MAD1L1: variants seen among roughly 807,000 people sequenced by gnomAD.
MAD1L1 encodes the protein mitotic spindle assembly checkpoint protein MAD1.
Under a neutral mutation model 96.9 loss-of-function variants are expected in MAD1L1, and 95 were observed. That is an observed-to-expected ratio of 0.98 (90% CI 0.83 to 1.16). The LOEUF (loss-of-function observed/expected upper bound fraction) is 1.16, where lower values mean the gene tolerates loss of function less well. Among genes scored for constraint, MAD1L1 ranks in the 50% most tolerant of loss-of-function variants. MAD1L1 has a pLI of 0.00. For synonymous variants in MAD1L1, 473 were observed against 396.6 expected (o/e 1.19, Z -2.29); for missense variants, 1,007 against 954.4 (o/e 1.06, Z -0.73).
chr7:2,099,170 C>G (rs1184813226), intron 11 of MAD1L1, among the ~76,000 whole-genome samples: 1 of 152,212 alleles, frequency 6.6e-6, no homozygotes, highest in Non-Finnish European at 1.5e-5. Flanking sequence ...GAGCATCCCC[C>G]AACGCACCGC....
At chr7:2,073,036 G>T (rs1014190264) in intron 11 of MAD1L1, among the ~76,000 whole-genome samples, 1 of 152,198 alleles carries the variant, frequency 6.6e-6, no homozygotes, top group Non-Finnish European at 1.5e-5. Flanking sequence ...CCAAGACTGG[G>T]TCCCAGGAAC....
chr7:1,820,694 G>C (rs1196616078), intron 18 of MAD1L1, among the ~76,000 whole-genome samples: 1 of 152,032 alleles, frequency 6.6e-6, no homozygotes, highest in African/African-American at 2.4e-5. Context: ...AGTGAGCTAT[G>C]ATCACACCAC....
chr7:2,079,041 G>A (rs1205026699), intron 11 of MAD1L1, among the ~76,000 whole-genome samples: 1 of 152,200 alleles, frequency 6.6e-6, no homozygotes, highest in African/African-American at 2.4e-5. Context: ...AAGTGCAGGG[G>A]CTTGGCCGAG....
intron 18 of MAD1L1, among the ~76,000 whole-genome samples, chr7:1,861,867 T>C (rs1187182432): frequency 2.2e-5 from 3 of 138,430 alleles, no homozygotes; most frequent in Non-Finnish European, 4.7e-5. Context: ...GGGACACTGC[T>C]CCGCCTGCCC....
intron 12 of MAD1L1, among the ~76,000 whole-genome samples, chr7:2,035,001 G>C (rs1783402490): frequency 6.6e-6 from 1 of 152,226 alleles, no homozygotes; most frequent in Admixed American, 6.5e-5. Context: ...CAGCACAGGG[G>C]GCCACAAGTC....
At chr7:1,918,695 G>T (rs1415744219) in intron 17 of MAD1L1, among the ~76,000 whole-genome samples, 1 of 152,220 alleles carries the variant, frequency 6.6e-6, no homozygotes, top group East Asian at 1.9e-4. Flanking sequence ...CAACACCAAA[G>T]AACAGCATGG....
At chr7:1,958,615 C>T (rs1429796684) in intron 15 of MAD1L1, among the ~76,000 whole-genome samples, 5 of 152,160 alleles carry the variant, frequency 3.3e-5, no homozygotes, top group East Asian at 1.9e-4. Flanking sequence ...AATGCAAAAA[C>T]ATCTAGAACA....
intron 11 of MAD1L1, chr7:2,079,792 C>A (rs755993673): frequency 2.1e-6 from 1 of 469,942 alleles, no homozygotes; most frequent in Non-Finnish European, 4.4e-6. Flanking sequence ...CCGCCCCAGG[C>A]TGCTGGAGAT....
chr7:2,008,434 C>A (rs1056064729), intron 13 of MAD1L1, among the ~76,000 whole-genome samples: 1 of 152,236 alleles, frequency 6.6e-6, no homozygotes, highest in Non-Finnish European at 1.5e-5. Context: ...TCTGGGTGAC[C>A]GGGTGGAGCC....
chr7:1,875,159 C>T (rs1036264480), intron 18 of MAD1L1, among the ~76,000 whole-genome samples: 1 of 152,192 alleles, frequency 6.6e-6, no homozygotes, highest in Non-Finnish European at 1.5e-5. Flanking sequence ...CCAGAGCCCC[C>T]CACAGGGGCC....
intron 16 of MAD1L1, among the ~76,000 whole-genome samples, chr7:1,940,818 C>A (rs1045422159): frequency 1.3e-5 from 2 of 152,178 alleles, no homozygotes; most frequent in Non-Finnish European, 2.9e-5. Flanking sequence ...TACAACGGTT[C>A]TTAGTTGAGG....
At chr7:2,148,109 G>T (rs1562730249) in intron 11 of MAD1L1, among the ~76,000 whole-genome samples, 1 of 152,220 alleles carries the variant, frequency 6.6e-6, no homozygotes. Context: ...TCAGTAAATT[G>T]ATGTGATTAT....
Position 2,230,146 on chromosome 7 carries a change from T to C in MAD1L1, c.-10-3A>G. 6.3e-7 allele frequency: 1 copy of C among 1,579,290 alleles called. No homozygotes were observed. Among genetic ancestry groups the C allele is most frequent in the Non-Finnish European group, 8.6e-7 (1 of 1,161,860 alleles). ...CCAGGTCTTCCATGGTTGCTTTCCTTCCGGGGACAGACAAAGGACTGGTCA... is the reference window on the plus strand; with the variant it reads ...CCAGGTCTTCCATGGTTGCTTTCCTCCCGGGGACAGACAAAGGACTGGTCA... On this transcript the variant is annotated splice_polypyrimidine_tract_variant and splice_region_variant and intron_variant, in intron 2 of 18. Coordinates refer to ENST00000265854, the MANE Select transcript of MAD1L1 (RefSeq NM_001013836.2).
At chr7:2,165,563 G>C (rs1489241430) in intron 10 of MAD1L1, among the ~76,000 whole-genome samples, 2 of 98,220 alleles carry the variant, frequency 2.0e-5, no homozygotes, top group Non-Finnish European at 4.4e-5. Flanking sequence ...GCCGTGCACA[G>C]CAGGGAGCTG....
In MAD1L1 at chr7:2,066,274, CG is replaced by C. The variant is rs1784871414; in HGVS notation, c.1218+2919del. ...GCGCTCCTCGACCACCCCAGCTGGG[CG>C]GGCTGCCATGCAGAGCTGAGGTGGG... On this transcript the variant is annotated intron_variant, in intron 12 of 18. Transcript: ENST00000265854. Among the ~76,000 whole-genome samples, 6 of 152,210 alleles carry C rather than the reference CG, an allele frequency of 3.9e-5. 1 individual carries two copies. Among genetic ancestry groups the C allele is most frequent in the Admixed American group, 2.6e-4 (4 of 15,288 alleles).
At chr7:2,139,365 C>T (rs370487509) in intron 11 of MAD1L1, among the ~76,000 whole-genome samples, 26 of 151,974 alleles carry the variant, frequency 1.7e-4, no homozygotes, top group East Asian at 5.9e-4. Context: ...CTTGCCAAGG[C>T]GGGAGCGCTG....
chr7:2,096,422 C>T (rs1432036110), intron 11 of MAD1L1, among the ~76,000 whole-genome samples: 1 of 152,166 alleles, frequency 6.6e-6, no homozygotes, highest in Non-Finnish European at 1.5e-5. Flanking sequence ...AACCTCAGTG[C>T]GGACTCGGCT....
At chr7:2,189,145 G>A (rs1267835906) in intron 10 of MAD1L1, among the ~76,000 whole-genome samples, 1 of 152,168 alleles carries the variant, frequency 6.6e-6, no homozygotes, top group East Asian at 1.9e-4. Flanking sequence ...ACACTCATTA[G>A]GATGGCTACC....
At chr7:1,887,826 T>C (rs1786194461) in intron 18 of MAD1L1, among the ~76,000 whole-genome samples, 1 of 47,308 alleles carries the variant, frequency 2.1e-5, no homozygotes, top group Admixed American at 2.9e-4. Context: ...TGTGCATGTG[T>C]GCATGTATGT....
Sources: allele counts gnomAD v4.1 joint callset (sites outside exome capture counted in the v4.1 genomes callset), GRCh38; gene constraint gnomAD v4.1.1; transcripts MANE v1.5; gene names NCBI Gene and HGNC (gene_info 2026-07-23, HGNC 2026-07-21).